The following ULK4 variants were observed in gnomAD, a reference collection of about 807,000 sequenced individuals.
ULK4 encodes the protein unc-51 like kinase 4.
A neutral mutation model predicts 160.6 loss-of-function variants in ULK4; 133 were observed. The ratio of observed to expected loss-of-function variants is 0.83; its 90% CI spans 0.72 to 0.96. The LOEUF (loss-of-function observed/expected upper bound fraction) is 0.96, where lower values mean the gene tolerates loss of function less well. Among genes scored for constraint, ULK4 ranks in the 40% least tolerant of loss-of-function variants. The pLI is 0.00. For missense variants in ULK4, 1,580 were observed against 1,499.5 expected (o/e 1.05, Z -0.89); for synonymous variants, 534 against 539.8 (o/e 0.99, Z 0.15).
At chr3:41,279,823 G>A (rs1023784577) in intron 35 of ULK4, among the ~76,000 whole-genome samples, 2 of 152,228 alleles carry the variant, frequency 1.3e-5, no homozygotes, top group African/African-American at 2.4e-5. Context: ...ATGACTAAAT[G>A]CCCCAATTAA....
intron 18 of ULK4, among the ~76,000 whole-genome samples, chr3:41,823,837 T>C (rs1266406825): frequency 6.6e-6 from 1 of 152,174 alleles, no homozygotes; most frequent in Non-Finnish European, 1.5e-5. Context: ...ATCATCCCTT[T>C]ATTCAAATAG....
At chr3:41,672,217 T>A (rs1408465488) in intron 29 of ULK4, among the ~76,000 whole-genome samples, 2 of 152,170 alleles carry the variant, frequency 1.3e-5, no homozygotes, top group Non-Finnish European at 2.9e-5. Context: ...CATTGCTAGG[T>A]ATTTATCCAA....
At chr3:41,828,328 G>A (rs1446198539) in intron 18 of ULK4, among the ~76,000 whole-genome samples, 4 of 149,516 alleles carry the variant, frequency 2.7e-5, no homozygotes, top group Admixed American at 1.3e-4. Flanking sequence ...GAAATAAAGG[G>A]CATTCAATTA....
intron 27 of ULK4, among the ~76,000 whole-genome samples, chr3:41,691,761 T>TA (rs1444209928): frequency 4.0e-5 from 6 of 151,774 alleles, no homozygotes; most frequent in African/African-American, 1.4e-4. Context: ...TTAATCATGT[T>TA]ACAGGATGTT....
chr3:41,822,415 G>A (rs910388232), intron 18 of ULK4, among the ~76,000 whole-genome samples: 2 of 151,920 alleles, frequency 1.3e-5, no homozygotes, highest in African/African-American at 2.4e-5. Flanking sequence ...GTTTTTTGTC[G>A]TTCGTTTCGT....
chr3:41,673,879 G>A (rs2035617956), intron 29 of ULK4, among the ~76,000 whole-genome samples: 1 of 152,050 alleles, frequency 6.6e-6, no homozygotes, highest in Admixed American at 6.6e-5. Flanking sequence ...ATTAGCTGAA[G>A]TCATCCCACA....
At chr3:41,683,826 C>A (rs113223474) in intron 27 of ULK4, among the ~76,000 whole-genome samples, 2 of 152,076 alleles carry the variant, frequency 1.3e-5, no homozygotes, top group African/African-American at 4.8e-5. Context: ...CTGTAATATT[C>A]TTTAAGTACA....
At chr3:41,938,840 T>C (rs915318718) in intron 2 of ULK4, among the ~76,000 whole-genome samples, 6 of 152,196 alleles carry the variant, frequency 3.9e-5, no homozygotes, top group African/African-American at 1.4e-4. Context: ...GTTTTTTAAT[T>C]CTACTTTTCT....
intron 35 of ULK4, among the ~76,000 whole-genome samples, chr3:41,389,583 G>A (rs151235180): frequency 1.3e-5 from 2 of 152,076 alleles, no homozygotes; most frequent in Admixed American, 6.5e-5. Flanking sequence ...TAGCATGAAG[G>A]GTTGTTGAAT....
At chr3:41,644,493 A>G (rs1197012112) in intron 30 of ULK4, among the ~76,000 whole-genome samples, 5 of 152,190 alleles carry the variant, frequency 3.3e-5, no homozygotes, top group African/African-American at 4.8e-5. Flanking sequence ...GTTGGATTAC[A>G]TTTATTGATT....
rs778018264 is a variant in ULK4, at chr3:41,883,910, G to A, written c.1620C>T (p.His540=). The part of the protein sequence containing the change: ...VAHVIGLLAS[H]TAELQENTPV... ...GTGTATTTTCCTGGAGCTCAGCTGT[G>A]TGCGAAGCCAGTAAACCAATTACGT... The change falls in exon 17 of 37, where the codon CAC becomes CAT. Residue 540 remains histidine (H), a synonymous_variant. Transcript: ENST00000301831. 6.2e-7 allele frequency: 1 copy of A among 1,610,236 alleles called. No individual in the cohort carries two copies. Among genetic ancestry groups the A allele is most frequent in the South Asian group, 1.1e-5 (1 of 90,970 alleles).
At chr3:41,309,991 A>G (rs762689638) in intron 35 of ULK4, among the ~76,000 whole-genome samples, 2 of 152,206 alleles carry the variant, frequency 1.3e-5, no homozygotes, top group Non-Finnish European at 2.9e-5. Flanking sequence ...AGGGGCAAAC[A>G]GGACTGAAGG....
intron 32 of ULK4, among the ~76,000 whole-genome samples, chr3:41,500,603 G>T (rs1258355547): frequency 2.0e-5 from 3 of 152,070 alleles, no homozygotes; most frequent in African/African-American, 7.2e-5. Context: ...AGCCAAGTTG[G>T]AAATTCCCAG....
At chr3:41,273,791 A>C (rs1437497899) in intron 35 of ULK4, among the ~76,000 whole-genome samples, 1 of 152,120 alleles carries the variant, frequency 6.6e-6, no homozygotes, top group Non-Finnish European at 1.5e-5. Context: ...TGCTTTTGCA[A>C]GACTAAATTA....
chr3:41,650,670 A>G (rs1272568158), intron 30 of ULK4, among the ~76,000 whole-genome samples: 2 of 152,214 alleles, frequency 1.3e-5, no homozygotes, highest in African/African-American at 2.4e-5. Flanking sequence ...TGATAACACA[A>G]GCCGAGTGCA....
chr3:41,665,068 G>T (rs1280205730), intron 29 of ULK4, among the ~76,000 whole-genome samples: 4 of 152,048 alleles, frequency 2.6e-5, no homozygotes, highest in Non-Finnish European at 5.9e-5. Flanking sequence ...CTCTGGAATA[G>T]CCAACAACTA....
intron 34 of ULK4, among the ~76,000 whole-genome samples, chr3:41,443,574 C>T (rs985922120): frequency 2.0e-5 from 3 of 152,084 alleles, no homozygotes; most frequent in Non-Finnish European, 4.4e-5. Flanking sequence ...CATGTAATTA[C>T]TTCCAGTTAA....
At chr3:41,470,888 C>T (rs1397187521) in intron 32 of ULK4, among the ~76,000 whole-genome samples, 1 of 151,874 alleles carries the variant, frequency 6.6e-6, no homozygotes, top group Non-Finnish European at 1.5e-5. Context: ...CTATAGAAAA[C>T]CATCAAACTG....
intron 36 of ULK4, 103 bp from the exon 37 acceptor site, chr3:41,247,095 G>C: frequency 9.2e-6 from 10 of 1,092,368 alleles, no homozygotes; most frequent in Non-Finnish European, 1.4e-5. Context: ...GTATCTGGTG[G>C]ACCAGCTGCA....
Sources: allele counts gnomAD v4.1 joint callset (sites outside exome capture counted in the v4.1 genomes callset), GRCh38; gene constraint gnomAD v4.1.1; transcripts MANE v1.5; gene names NCBI Gene and HGNC (gene_info 2026-07-23, HGNC 2026-07-21).